Variants in DNAI7 observed in about 807,000 individuals in gnomAD.
DNAI7 encodes dynein axonemal intermediate chain 7, also known as cancer susceptibility 1.
In DNAI7, 78 loss-of-function variants were observed where a neutral mutation model predicts 86.6. That is an observed-to-expected ratio of 0.90 (90% confidence interval 0.75 to 1.09). The LOEUF (loss-of-function observed/expected upper bound fraction) is 1.09. Among genes scored for constraint, DNAI7 ranks in the 50% least tolerant of loss-of-function variants. The pLI is 0.00. For missense variants in DNAI7, 753 were observed against 810.2 expected (o/e 0.93, Z 0.86); for synonymous variants, 274 against 273.0 (o/e 1.00, Z -0.04).
chr12:25,166,662 C>T (rs556743598), intron 2 of DNAI7, among the ~76,000 whole-genome samples: 8 of 152,260 alleles, frequency 5.3e-5, no homozygotes, highest in African/African-American at 1.9e-4. Flanking sequence ...TACAAAACAA[C>T]AACTCCTTTC....
chr12:25,111,017 G>GT (rs1019617876), intron 14 of DNAI7, among the ~76,000 whole-genome samples: 1 of 151,604 alleles, frequency 6.6e-6, no homozygotes, highest in African/African-American at 2.4e-5. Context: ...AAAACCAAGG[G>GT]TTTTTTTCCT....
intron 12 of DNAI7, among the ~76,000 whole-genome samples, chr12:25,115,541 C>CG (rs199952300): frequency 5.8e-5 from 4 of 68,824 alleles, no homozygotes; most frequent in Admixed American, 2.0e-4. Context: ...AACATTTCAC[C>CG]AAAGAGATAT....
At position 25,155,308 on chromosome 12, in the gene DNAI7, T is replaced by C. The variant is rs373097608; in HGVS notation, c.300+3A>G. ...TTAGCTAAAAAAGAGAAATCAGTCCTACCTGAGAAAGCAATTTAGTTTCCT... is the reference window on the plus strand; with the variant it reads ...TTAGCTAAAAAAGAGAAATCAGTCCCACCTGAGAAAGCAATTTAGTTTCCT... On this transcript the variant is annotated splice_donor_region_variant and intron_variant, in intron 5 of 15. Transcript: ENST00000395987. 118 of 1,543,224 alleles carry C rather than the reference T, an allele frequency of 7.6e-5. No individual in the cohort carries two copies. The South Asian group carries it at 1.0e-3, about 13-fold the overall frequency.
At chr12:25,158,691 T>A in intron 3 of DNAI7, 128 bp from the exon 4 acceptor site, 2 of 1,496,028 alleles carry the variant, frequency 1.3e-6, no homozygotes, top group Non-Finnish European at 8.9e-7. Context: ...CTTTATTACA[T>A]GGTAGATATG....
chr12:25,166,891 C>T (rs1169918540), intron 2 of DNAI7, among the ~76,000 whole-genome samples: 1 of 152,152 alleles, frequency 6.6e-6, no homozygotes, highest in East Asian at 1.9e-4. Context: ...TATTTTCTTT[C>T]TCCCACCTGA....
chr12:25,119,026 T>C (rs1940741624), intron 12 of DNAI7, 119 bp downstream of exon 12: 6 of 793,742 alleles, frequency 7.6e-6, no homozygotes, highest in Non-Finnish European at 1.1e-5. Flanking sequence ...AACAAGACCC[T>C]TGAATTGGCA....
chr12:25,170,340 G>A (rs1254674555), intron 2 of DNAI7, among the ~76,000 whole-genome samples: 5 of 151,258 alleles, frequency 3.3e-5, no homozygotes, highest in Admixed American at 6.6e-5. Context: ...GCAGTGAGCC[G>A]AGATTGCGCC....
chr12:25,154,318 C>A lies in DNAI7; in HGVS notation c.438+1G>T, dbSNP rs757886795. The A allele has an allele frequency of 5.2e-5, 83 of 1,592,904 alleles. No homozygotes were observed. Among genetic ancestry groups the A allele is most frequent in the Non-Finnish European group, 6.6e-5 (78 of 1,175,232 alleles). ...TTATAGGAAAATGCATAAATACCTA[C>A]ATTTAGCACTACTTTACTCTTCTCA... On this transcript the variant is annotated splice_donor_variant, in intron 6 of 15. Coordinates refer to ENST00000395987, the MANE Select transcript of DNAI7 (RefSeq NM_018272.5). LOFTEE classifies it high-confidence loss of function.
chr12:25,114,883 T>A lies in DNAI7; in HGVS notation c.1397-13A>T. 6 of 1,569,198 alleles carry A rather than the reference T, an allele frequency of 3.8e-6. No homozygotes were observed. Among genetic ancestry groups the A allele is most frequent in the Non-Finnish European group, 5.2e-6 (6 of 1,145,830 alleles). ...CTCCAATGTTTACCTTTATAATTGA[T>A]GAAGAAAGTGACACTAGTTTCATTT... is the stretch of plus-strand genomic sequence containing the variant. On this transcript the variant is annotated splice_polypyrimidine_tract_variant and intron_variant, in intron 12 of 15. Coordinates refer to ENST00000395987, the MANE Select transcript of DNAI7 (RefSeq NM_018272.5).
chr12:25,167,195 C>T (rs1947584018), intron 2 of DNAI7, among the ~76,000 whole-genome samples: 1 of 152,216 alleles, frequency 6.6e-6, no homozygotes, highest in Non-Finnish European at 1.5e-5. Context: ...AGCCACCAGC[C>T]CACCTCTTAG....
In DNAI7 at chr12:25,119,171, G is replaced by A; in HGVS notation, c.1370C>T (p.Pro457Leu). The A allele has an allele frequency of 4.4e-6, 7 of 1,608,464 alleles. No homozygotes were observed. Among genetic ancestry groups the A allele is most frequent in the Non-Finnish European group, 5.1e-6 (6 of 1,178,406 alleles). Residue 457 changes from proline to leucine, a missense_variant, in exon 12 of 16, where the codon CCT (proline) becomes CTT (leucine). By Grantham distance (98) the Pro-to-Leu change is moderately conservative (BLOSUM62 -3). Transcript: ENST00000395987. ...TTCAGCATCCCACCTTACAACCACAGGATCCTCAAAAAAGATTACATTCTC... is the reference window on the plus strand; with the variant it reads ...TTCAGCATCCCACCTTACAACCACAAGATCCTCAAAAAAGATTACATTCTC... ...VHENVIFFED[P>L]VVVRWDAEGK...
At chr12:25,141,877 G>C (rs1455222452) in intron 9 of DNAI7, among the ~76,000 whole-genome samples, 3 of 151,936 alleles carry the variant, frequency 2.0e-5, no homozygotes, top group African/African-American at 4.8e-5. Flanking sequence ...AAAAATAATA[G>C]ATGTTTGAGT....
Position 25,155,403 on chromosome 12 carries a change from T to G in DNAI7, c.208A>C (p.Arg70=). The G allele has an allele frequency of 6.3e-7, 1 of 1,581,602 alleles. No homozygotes were observed. The highest frequency in any genetic ancestry group is 8.7e-7 in the Non-Finnish European group (1 of 1,154,608). ...AGTTCTTCAAGTTCTTCATTTCTCC[T>G]TTCTAGATCCTGTTGCACAAGGACA... ...WHRLEAKDLE[R]RNEELEELYL... is the part of the protein sequence containing the mutation. The change falls in exon 5 of 16, where the codon AGG becomes CGG. Residue 70 remains arginine, a synonymous_variant. Transcript: ENST00000395987.
chr12:25,114,638 G>C lies in DNAI7; in HGVS notation c.1611+18C>G. 1 of 1,535,446 alleles carries C rather than the reference G, an allele frequency of 6.5e-7. No homozygotes were observed. Among genetic ancestry groups the C allele is most frequent in the Non-Finnish European group, 9.0e-7 (1 of 1,108,858 alleles). On this transcript the variant is annotated intron_variant, in intron 13 of 15. Transcript: ENST00000395987. ...ACCTCTGATACGATAGTACATAACA[G>C]CTACAAGAGTAACTCACCTTAATTT...
intron 1 of DNAI7, among the ~76,000 whole-genome samples, chr12:25,192,489 A>G (rs1047498114): frequency 3.9e-5 from 6 of 152,246 alleles, no homozygotes; most frequent in Non-Finnish European, 2.9e-5. Flanking sequence ...CTCTTCCTAC[A>G]CTGTGGTTTA....
chr12:25,167,729 C>T (rs1347134384), intron 2 of DNAI7, among the ~76,000 whole-genome samples: 3 of 152,126 alleles, frequency 2.0e-5, no homozygotes, highest in Non-Finnish European at 4.4e-5. Flanking sequence ...ACTTTCTAGA[C>T]AGGTCCAGCA....
chr12:25,119,240 G>C lies in DNAI7; in HGVS notation c.1301C>G (p.Thr434Arg). 6.2e-7 allele frequency: 1 copy of C among 1,611,868 alleles called. No individual in the cohort carries two copies. Among genetic ancestry groups the C allele is most frequent in the Non-Finnish European group, 8.5e-7 (1 of 1,178,156 alleles). ...CTCTATAGGTGGGAAAGCATTTTCT[G>C]TCTCAAACTCTTCTGTAGTTTCCGG... Reference protein sequence around the residue: ...YPPETTEEFETENAFPPIEVT... With the variant: ...YPPETTEEFERENAFPPIEVT... The change falls in exon 12 of 16, where the codon ACA (threonine) becomes AGA (arginine). Residue 434 changes from threonine (T) to arginine (R), a missense_variant. Thr to Arg is a moderately conservative substitution (Grantham distance 71). Transcript: ENST00000395987.
chr12:25,129,766 T>A (rs1015943792), intron 9 of DNAI7, among the ~76,000 whole-genome samples: 2 of 66,778 alleles, frequency 3.0e-5, no homozygotes, highest in Admixed American at 4.1e-4. Flanking sequence ...ATTTTATTTT[T>A]ATTTTTTTTT....
downstream of DNAI7, chr12:25,107,891 C>A: frequency 6.2e-7 from 1 of 1,614,194 alleles, no homozygotes; most frequent in South Asian, 1.1e-5. Flanking sequence ...CTCTGGCTCT[C>A]TATTGCATTC....
Sources: allele counts gnomAD v4.1 joint callset (sites outside exome capture counted in the v4.1 genomes callset), GRCh38; gene constraint gnomAD v4.1.1; transcripts MANE v1.5; gene names NCBI Gene and HGNC (gene_info 2026-07-23, HGNC 2026-07-21).